CEP192: variants seen among roughly 807,000 people sequenced by gnomAD.
CEP192 encodes the protein centrosomal protein 192, also known as centrosomal protein of 192 kDa.
A neutral mutation model predicts 271.8 loss-of-function variants in CEP192; 151 were observed. That is an observed-to-expected ratio of 0.56 (90% CI 0.49 to 0.64). The LOEUF (loss-of-function observed/expected upper bound fraction) is 0.64, where lower values mean the gene tolerates loss of function less well. Ranked by LOEUF, CEP192 falls within the 30% of genes least tolerant of loss-of-function variation. The pLI is 0.00. For synonymous variants in CEP192, 995 were observed against 1,076.5 expected, an observed-to-expected ratio of 0.92 and a Z score of 1.48; for missense variants, 2,910 against 3,020.5, an observed-to-expected ratio of 0.96 and a Z score of 0.86.
At chr18:13,077,585 A>G (rs1180954932) in intron 30 of CEP192, among the ~76,000 whole-genome samples, 4 of 152,314 alleles carry the variant, frequency 2.6e-5, no homozygotes, top group African/African-American at 9.6e-5. Context: ...GCTTCCTGCA[A>G]GGGTTGAGCC....
At chr18:13,085,496 T>G (rs112514684) in intron 30 of CEP192, among the ~76,000 whole-genome samples, 40,037 of 152,178 alleles carry the variant, frequency 0.26, 6,098 homozygotes, top group Admixed American at 0.37. Flanking sequence ...TGGTATTGCC[T>G]AGGTTTTCTT....
chr18:13,078,627 T>TTTG (rs376534007), intron 30 of CEP192, among the ~76,000 whole-genome samples: 65 of 152,074 alleles, frequency 4.3e-4, no homozygotes, highest in African/African-American at 8.9e-4. Context: ...TCGCCATTCT[T>TTTG]TTGTTGTTGT....
In CEP192 at chr18:13,121,699, A is replaced by G. The variant is rs189773646; in HGVS notation, c.7476-2933A>G. Among the ~76,000 whole-genome samples, 12 of 152,282 alleles carry G rather than the reference A, an allele frequency of 7.9e-5. No homozygotes were observed. The East Asian group carries it at 2.1e-3, about 27-fold the overall frequency. ...CATCTTTCTCTTAACCTATTATTTT[A>G]TGACCATCTAACCCCAGCTGAGGTG... is the stretch of plus-strand genomic sequence containing the variant. On this transcript the variant is annotated intron_variant, in intron 44 of 44. Transcript: ENST00000506447.
At chr18:13,122,310 T>A (rs573042446) in intron 44 of CEP192, among the ~76,000 whole-genome samples, 1 of 152,202 alleles carries the variant, frequency 6.6e-6, no homozygotes, top group Non-Finnish European at 1.5e-5. Flanking sequence ...TAATCCTAGC[T>A]ACTCAGGAGG....
chr18:13,050,941 G>T (rs995713527), intron 17 of CEP192, among the ~76,000 whole-genome samples: 4 of 152,132 alleles, frequency 2.6e-5, no homozygotes, highest in Non-Finnish European at 4.4e-5. Context: ...AGATCATCTG[G>T]CTGTGACATG....
chr18:13,050,543 T>C (rs997632583), intron 17 of CEP192, among the ~76,000 whole-genome samples: 9 of 152,098 alleles, frequency 5.9e-5, no homozygotes, highest in African/African-American at 2.2e-4. Context: ...CATATACATA[T>C]ACACAGTCAC....
chr18:13,068,305 T>C, intron 23 of CEP192, 54 bp from the exon 24 acceptor site: 1 of 1,601,200 alleles, frequency 6.2e-7, no homozygotes, highest in Non-Finnish European at 8.5e-7. Context: ...TTCATTAAGA[T>C]AGTAATATTA....
At chr18:13,010,926 C>G (rs1373658464) in intron 4 of CEP192, among the ~76,000 whole-genome samples, 1 of 151,858 alleles carries the variant, frequency 6.6e-6, no homozygotes, top group Non-Finnish European at 1.5e-5. Context: ...CCAGGAAATG[C>G]AATTCAAAAC....
intron 1 of CEP192, among the ~76,000 whole-genome samples, chr18:12,998,314 T>A (rs1033151173): frequency 1.3e-5 from 2 of 152,220 alleles, no homozygotes; most frequent in Admixed American, 6.5e-5. Flanking sequence ...TCTAGCTTCG[T>A]TTACTGTGTT....
At chr18:13,042,627 A>C (rs1598433267) in intron 15 of CEP192, among the ~76,000 whole-genome samples, 1 of 152,222 alleles carries the variant, frequency 6.6e-6, no homozygotes, top group African/African-American at 2.4e-5. Context: ...CTCAGAAACA[A>C]GTTTTTTTGC....
In CEP192 at chr18:13,028,369, T is replaced by C. The variant is rs147064615; in HGVS notation, c.1051-1294T>C. Among the ~76,000 whole-genome samples, 39 of 152,318 alleles carry C rather than the reference T, an allele frequency of 2.6e-4. No homozygotes were observed. In the East Asian group the frequency reaches 6.9e-3, roughly 27 times the overall value. On this transcript the variant is annotated intron_variant, in intron 9 of 44. Transcript: ENST00000506447. Reference sequence around the variant, plus strand: ...AGGCTTAGGACTTGGATATATCTTTTTGAGGGGAAACAATTCAAGACATCA... The same window carrying C: ...AGGCTTAGGACTTGGATATATCTTTCTGAGGGGAAACAATTCAAGACATCA...
At chr18:13,054,861 T>C (rs1192826267) in intron 18 of CEP192, among the ~76,000 whole-genome samples, 5 of 152,234 alleles carry the variant, frequency 3.3e-5, no homozygotes, top group Admixed American at 1.3e-4. Flanking sequence ...GCTGCAGATG[T>C]CACTCCTCAG....
intron 15 of CEP192, among the ~76,000 whole-genome samples, chr18:13,043,540 A>G (rs1056457122): frequency 6.6e-6 from 1 of 152,190 alleles, no homozygotes; most frequent in Non-Finnish European, 1.5e-5. Context: ...GATATCTGGA[A>G]GAGTAAATCC....
At chr18:13,067,628 G>T (rs1026348897) in intron 21 of CEP192, among the ~76,000 whole-genome samples, 10 of 151,832 alleles carry the variant, frequency 6.6e-5, no homozygotes, top group African/African-American at 1.9e-4. Flanking sequence ...AGTATATTTG[G>T]GTACATAGAC....
chr18:13,003,963 A>G (rs1267872797), intron 3 of CEP192, among the ~76,000 whole-genome samples: 1 of 152,204 alleles, frequency 6.6e-6, no homozygotes. Context: ...AGGAATCAAC[A>G]GCGAGATTAA....
chr18:13,029,751 A>G lies in CEP192; in HGVS notation c.1139A>G (p.Asn380Ser), dbSNP rs994338650. 25 of 1,551,544 alleles carry G rather than the reference A, an allele frequency of 1.6e-5. No individual in the cohort carries two copies. The highest frequency in any genetic ancestry group is 9.8e-5 in the East Asian group (4 of 40,934). The change falls in exon 10 of 45, where the codon AAT becomes AGT. Residue 380 changes from asparagine to serine, a missense_variant. Asn to Ser is a conservative substitution (Grantham distance 46). Transcript: ENST00000506447. ...NSDNFHDANA[N>S]RGGFDLTDPV... ...GATAATTTTCATGATGCAAATGCCAATAGAGGTGGTTTTGATCTGACTGAC... is the reference window on the plus strand; with the variant it reads ...GATAATTTTCATGATGCAAATGCCAGTAGAGGTGGTTTTGATCTGACTGAC...
At chr18:13,080,544 CG>C (rs1340040689) in intron 30 of CEP192, among the ~76,000 whole-genome samples, 1 of 152,118 alleles carries the variant, frequency 6.6e-6, no homozygotes, top group Non-Finnish European at 1.5e-5. Flanking sequence ...TGGGCTGAGA[CG>C]ATGGGGTTTT....
At chr18:13,037,413 ATTT>A in intron 12 of CEP192, 112 bp downstream of exon 12, 1 of 510,582 alleles carries the variant, frequency 2.0e-6, no homozygotes. Context: ...ATTATTTCAT[ATTT>A]TTCTTATGGC....
intron 40 of CEP192, among the ~76,000 whole-genome samples, chr18:13,110,681 G>T (rs909212411): frequency 2.0e-5 from 3 of 152,186 alleles, no homozygotes; most frequent in Non-Finnish European, 2.9e-5. Flanking sequence ...GGCTGGGGAA[G>T]AAAGAAGCCA....
Sources: allele counts gnomAD v4.1 joint callset (sites outside exome capture counted in the v4.1 genomes callset), GRCh38; gene constraint gnomAD v4.1.1; transcripts MANE v1.5; gene names NCBI Gene and HGNC (gene_info 2026-07-23, HGNC 2026-07-21).